The following TENM4 variants were observed in gnomAD, a reference collection of about 807,000 sequenced individuals.
The protein encoded by TENM4 is teneurin transmembrane protein 4.
In TENM4, 82 loss-of-function variants were observed where a neutral mutation model predicts 243.3. The observed-to-expected ratio is 0.34, with a 90% confidence interval of 0.28 to 0.40. TENM4 has a LOEUF of 0.40. Among genes scored for constraint, TENM4 ranks in the 10% least tolerant of loss-of-function variants. The pLI, the probability that TENM4 is intolerant of heterozygous loss-of-function variation, is 1.00. For missense variants in TENM4, 3,138 were observed against 3,673.3 expected, an observed-to-expected ratio of 0.85 and a Z score of 3.77; for synonymous variants, 1,412 against 1,456.3, an observed-to-expected ratio of 0.97 and a Z score of 0.69.
At chr11:78,709,200 G>A (rs963365376) in intron 26 of TENM4, among the ~76,000 whole-genome samples, 2 of 149,178 alleles carry the variant, frequency 1.3e-5, no homozygotes, top group African/African-American at 2.5e-5. Flanking sequence ...ACTGACCTCA[G>A]GTGATCCACC....
intron 4 of TENM4, among the ~76,000 whole-genome samples, chr11:79,107,481 G>A (rs1413053779): frequency 6.6e-6 from 1 of 152,094 alleles, no homozygotes; most frequent in Non-Finnish European, 1.5e-5. Flanking sequence ...CTGACTTCCA[G>A]TCTTATCCTT....
chr11:79,046,593 T>C (rs74878945), intron 6 of TENM4, among the ~76,000 whole-genome samples: 3,900 of 152,268 alleles, frequency 0.026, 65 homozygotes, highest in South Asian at 0.044. Context: ...ATGACTTGTA[T>C]TCTTATAAGA....
chr11:78,948,374 C>CT (rs200520007), intron 6 of TENM4, among the ~76,000 whole-genome samples: 3,073 of 138,718 alleles, frequency 0.022, 48 homozygotes, highest in African/African-American at 0.028. Flanking sequence ...TCCCAACTGT[C>CT]TTTTTTTTTT....
chr11:78,985,061 C>T (rs1404088582), intron 6 of TENM4, among the ~76,000 whole-genome samples: 1 of 152,128 alleles, frequency 6.6e-6, no homozygotes. Context: ...ACTTCAGTTT[C>T]CTCATCTGTA....
At chr11:78,830,495 A>C (rs1192781878) in intron 12 of TENM4, among the ~76,000 whole-genome samples, 1 of 152,260 alleles carries the variant, frequency 6.6e-6, no homozygotes, top group African/African-American at 2.4e-5. Flanking sequence ...CAGGAAGAAC[A>C]GATCAGCACC....
At chr11:79,164,768 T>C (rs748796687) in intron 3 of TENM4, among the ~76,000 whole-genome samples, 3 of 151,602 alleles carry the variant, frequency 2.0e-5, no homozygotes, top group Non-Finnish European at 2.9e-5. Flanking sequence ...GATGGGTTTA[T>C]CAGGGGTTTC....
At chr11:79,025,645 A>G (rs978480094) in intron 6 of TENM4, among the ~76,000 whole-genome samples, 8 of 152,198 alleles carry the variant, frequency 5.3e-5, no homozygotes, top group Non-Finnish European at 1.0e-4. Context: ...GTAAGGTCCC[A>G]TGGGCAGTCA....
intron 6 of TENM4, among the ~76,000 whole-genome samples, chr11:78,995,325 T>C (rs1053717544): frequency 6.6e-6 from 1 of 152,138 alleles, no homozygotes; most frequent in African/African-American, 2.4e-5. Context: ...GATTTTGTCC[T>C]GAGGGCAATG....
At chr11:78,999,059 T>C (rs1858248198) in intron 6 of TENM4, among the ~76,000 whole-genome samples, 1 of 152,160 alleles carries the variant, frequency 6.6e-6, no homozygotes, top group Non-Finnish European at 1.5e-5. Context: ...ATGGAAGTGT[T>C]TTGAGCACAG....
At chr11:79,101,238 TA>T (rs1218290721) in intron 4 of TENM4, among the ~76,000 whole-genome samples, 4 of 152,338 alleles carry the variant, frequency 2.6e-5, no homozygotes, top group South Asian at 2.1e-4. Context: ...AAAATTTTCA[TA>T]AAAAATATTT....
At chr11:79,404,438 G>T (rs1277898542) in intron 1 of TENM4, among the ~76,000 whole-genome samples, 1 of 152,180 alleles carries the variant, frequency 6.6e-6, no homozygotes, top group Non-Finnish European at 1.5e-5. Flanking sequence ...ACTAGAGGCT[G>T]CCAGGGGATT....
chr11:79,168,855 CT>C lies in TENM4; in HGVS notation c.-162-20050del, dbSNP rs1591329533. On this transcript the variant is annotated intron_variant, in intron 3 of 33. Transcript: ENST00000278550. ...AGGCTTCAAGAAACCTTGCTCATCC[CT>C]GCCTGTTCTCTTGGAACTTTGCTCA... Among the ~76,000 whole-genome samples the C allele has an allele frequency of 2.0e-5, 3 of 152,280 alleles. No homozygotes were observed. The East Asian group carries it at 5.8e-4, about 29-fold the overall frequency.
intron 2 of TENM4, among the ~76,000 whole-genome samples, chr11:79,253,077 C>G (rs1363974922): frequency 1.3e-5 from 2 of 152,122 alleles, no homozygotes; most frequent in Non-Finnish European, 2.9e-5. Context: ...TGCAACTTAC[C>G]CAGTGTCACA....
chr11:78,812,922 A>G (rs1857529606), intron 13 of TENM4, among the ~76,000 whole-genome samples: 1 of 152,184 alleles, frequency 6.6e-6, no homozygotes, highest in Non-Finnish European at 1.5e-5. Context: ...TCTATGAAGG[A>G]TACTATATAA....
At chr11:79,255,364 T>C (rs1410513681) in intron 2 of TENM4, among the ~76,000 whole-genome samples, 1 of 152,166 alleles carries the variant, frequency 6.6e-6, no homozygotes, top group Non-Finnish European at 1.5e-5. Flanking sequence ...AACGCCTCCG[T>C]GTCTTACATA....
chr11:78,765,201 T>C (rs1856518290), intron 18 of TENM4, among the ~76,000 whole-genome samples: 1 of 152,222 alleles, frequency 6.6e-6, no homozygotes, highest in Non-Finnish European at 1.5e-5. Context: ...TCCCCTTCTG[T>C]ACACACTGGG....
At chr11:78,776,186 A>C (rs1389436254) in intron 17 of TENM4, among the ~76,000 whole-genome samples, 1 of 152,170 alleles carries the variant, frequency 6.6e-6, no homozygotes, top group Non-Finnish European at 1.5e-5. Context: ...ATAGGGCCAG[A>C]CTGAACTTCC....
chr11:78,787,004 T>C lies in TENM4; in HGVS notation c.2259A>G (p.Ala753=), dbSNP rs778503225. Residue 753 remains alanine, a synonymous_variant, in exon 16 of 34, where the codon GCA becomes GCG. Coordinates refer to ENST00000278550, the MANE Select transcript of TENM4 (RefSeq NM_001098816.3). The part of the protein sequence containing the change: ...TCRCEDGWMG[A]ACDQRACHPR... ...GGTGGCAGGCCCGCTGGTCGCAGGC[T>C]GCCCCCATCCAGCCATCCTCGCAGC... 1.9e-6 allele frequency: 3 copies of C among 1,571,924 alleles called. No individual in the cohort carries two copies. The South Asian group carries it at 3.5e-5, about 18-fold the overall frequency.
intron 2 of TENM4, among the ~76,000 whole-genome samples, chr11:79,256,465 C>T (rs900099152): frequency 2.0e-5 from 3 of 152,192 alleles, no homozygotes; most frequent in Non-Finnish European, 4.4e-5. Context: ...CTGGCAGAAC[C>T]AGAATCCCAA....
Sources: allele counts gnomAD v4.1 joint callset (sites outside exome capture counted in the v4.1 genomes callset), GRCh38; gene constraint gnomAD v4.1.1; transcripts MANE v1.5; gene names NCBI Gene and HGNC (gene_info 2026-07-23, HGNC 2026-07-21).